The following FBN1 variants were observed in gnomAD, a reference collection of about 807,000 sequenced individuals.
FBN1 encodes fibrillin 1.
Under a neutral mutation model 365.1 loss-of-function variants are expected in FBN1, and 29 were observed. The ratio of observed to expected loss-of-function variants is 0.08; its 90% CI spans 0.06 to 0.11. The LOEUF (loss-of-function observed/expected upper bound fraction) is 0.11, where lower values mean the gene tolerates loss of function less well. FBN1 is among the 10% of genes least tolerant of loss of function. FBN1 has a pLI of 1.00. For missense variants in FBN1, 2,476 were observed against 3,703.2 expected (o/e 0.67, Z 8.60); for synonymous variants, 1,210 against 1,270.5 (o/e 0.95, Z 1.01).
At chr15:48,633,282 G>C (rs1188157024) in intron 2 of FBN1, among the ~76,000 whole-genome samples, 8 of 152,116 alleles carry the variant, frequency 5.3e-5, no homozygotes, top group Admixed American at 5.2e-4. Context: ...AAGAATTTAA[G>C]AATTTTTTTC....
chr15:48,504,002 C>A, intron 16 of FBN1, 63 bp from the exon 17 acceptor site: 2 of 1,599,450 alleles, frequency 1.3e-6, no homozygotes, highest in South Asian at 2.2e-5. Context: ...CCCCCCAAGT[C>A]AAAGTTGAAG....
At chr15:48,500,107 A>G (rs751996144) in intron 17 of FBN1, among the ~76,000 whole-genome samples, 13 of 152,230 alleles carry the variant, frequency 8.5e-5, no homozygotes, top group Non-Finnish European at 1.3e-4. Flanking sequence ...AGGGGTCAAA[A>G]AAACAACAGA....
chr15:48,427,090 C>T (rs914335409), intron 58 of FBN1, among the ~76,000 whole-genome samples: 2 of 152,186 alleles, frequency 1.3e-5, no homozygotes, highest in Admixed American at 1.3e-4. Flanking sequence ...GACACTTCCT[C>T]ATCCTGCTCT....
At chr15:48,618,046 G>A (rs768460741) in intron 2 of FBN1, among the ~76,000 whole-genome samples, 2 of 152,050 alleles carry the variant, frequency 1.3e-5, no homozygotes, top group Non-Finnish European at 2.9e-5. Flanking sequence ...TAATGAGACT[G>A]ACCCTGCTCC....
At chr15:48,455,485 T>C (rs949317273) in intron 44 of FBN1, among the ~76,000 whole-genome samples, 1 of 152,148 alleles carries the variant, frequency 6.6e-6, no homozygotes. Flanking sequence ...ATGCTGAGCA[T>C]GTTTGAGAGG....
rs908438231 is a variant in FBN1, at chr15:48,464,739, C to T, written c.4943-718G>A. Reference sequence around the variant, plus strand: ...ATCTATGATAGGGTATATAGTATCCCGAAGCCATTAACAGCTGGCTTCATG... The same window carrying T: ...ATCTATGATAGGGTATATAGTATCCTGAAGCCATTAACAGCTGGCTTCATG... On this transcript the variant is annotated intron_variant, in intron 40 of 65. Transcript: ENST00000316623. Among the ~76,000 whole-genome samples, 7 of 152,178 alleles carry T rather than the reference C, an allele frequency of 4.6e-5. No individual in the cohort carries two copies. In the East Asian group the frequency reaches 9.7e-4, roughly 21 times the overall value.
chr15:48,434,723 A>G lies in FBN1; in HGVS notation c.6497-10T>C. On this transcript the variant is annotated splice_polypyrimidine_tract_variant and intron_variant, in intron 53 of 65. Transcript: ENST00000316623. Reference sequence around the variant, plus strand: ...GAACATTCATCAGTATCTGCAAGAAACCAGGAATGTGTCCAAAACATGATG... The same window carrying G: ...GAACATTCATCAGTATCTGCAAGAAGCCAGGAATGTGTCCAAAACATGATG... 3 of 1,613,210 alleles carry G rather than the reference A, an allele frequency of 1.9e-6. No homozygotes were observed. The highest frequency in any genetic ancestry group is 2.5e-6 in the Non-Finnish European group (3 of 1,179,526).
chr15:48,481,569 G>T (rs1443317466), intron 32 of FBN1, 86 bp downstream of exon 32: 1 of 1,329,652 alleles, frequency 7.5e-7, no homozygotes, highest in African/African-American at 1.5e-5. Flanking sequence ...TAAAATGTAT[G>T]AGTTTTAAAA....
At position 48,531,162 on chromosome 15, in the gene FBN1, T is replaced by A. The variant is rs1271924558; in HGVS notation, c.862+2918A>T. On this transcript the variant is annotated intron_variant, in intron 8 of 65. Transcript: ENST00000316623. ...CTCAATCTTTTCCTTCTTAAATGTA[T>A]GAAAATTTAATAATTGTTATTTAAA... Among the ~76,000 whole-genome samples the A allele has an allele frequency of 2.6e-5, 4 of 152,244 alleles. No individual in the cohort carries two copies. In the East Asian group the frequency reaches 5.8e-4, roughly 22 times the overall value.
At chr15:48,607,729 C>T (rs1004243244) in intron 4 of FBN1, among the ~76,000 whole-genome samples, 1 of 152,040 alleles carries the variant, frequency 6.6e-6, no homozygotes, top group African/African-American at 2.4e-5. Context: ...GTTATAGAAG[C>T]CCAAACTGAC....
In FBN1 at chr15:48,453,303, A is replaced by AAAC. The variant is rs1555396240; in HGVS notation, c.5423-620_5423-619insGTT. On this transcript the variant is annotated intron_variant, in intron 44 of 65. Transcript: ENST00000316623. The stretch of plus-strand genomic sequence containing the variant: ...CAAAAAATAAAACAAACAAAAAAAA[A>AAAC]ACACACACAAAAAAAAAGGAAAAAA... Among the ~76,000 whole-genome samples, 110 of 140,762 alleles carry AAAC rather than the reference A, an allele frequency of 7.8e-4. 1 individual carries two copies. The highest frequency in any genetic ancestry group is 3.0e-3 in the African/African-American group (108 of 36,258). The allele number at this position is 140,762 out of a possible 152,430, so 92.3% of individuals were successfully genotyped here. A position where few individuals can be genotyped will look rare whatever the true frequency, so the allele number is the denominator to read the frequency against.
At chr15:48,605,600 C>G (rs1411232175) in intron 4 of FBN1, among the ~76,000 whole-genome samples, 1 of 152,204 alleles carries the variant, frequency 6.6e-6, no homozygotes, top group Non-Finnish European at 1.5e-5. Flanking sequence ...AGGCCAGGCA[C>G]AGTGGCTCAT....
At chr15:48,498,902 A>C in intron 18 of FBN1, 83 bp downstream of exon 18, 1 of 1,313,968 alleles carries the variant, frequency 7.6e-7, no homozygotes, top group South Asian at 1.2e-5. Flanking sequence ...ACTAGTGTAA[A>C]GGGATCAACT....
chr15:48,641,408 G>T, intron 2 of FBN1: 1 of 152,260 alleles, frequency 6.6e-6, no homozygotes, highest in African/African-American at 2.4e-5. Flanking sequence ...TAGGAAGAGA[G>T]GGAGCTGACA....
intron 6 of FBN1, among the ~76,000 whole-genome samples, chr15:48,551,966 A>G (rs1319773443): frequency 6.6e-6 from 1 of 152,180 alleles, no homozygotes; most frequent in Admixed American, 6.5e-5. Flanking sequence ...CAATGAGCAT[A>G]CACATGCATG....
In FBN1 at chr15:48,433,063, T is replaced by C. The variant is rs180781344; in HGVS notation, c.6617-75A>G. On this transcript the variant is annotated intron_variant, in intron 54 of 65. Transcript: ENST00000316623. ...GGGAACCTACCAATTGAACTAAAAC[T>C]CTAAAACTTTACCAAAAGTTGCAAT... The C allele has an allele frequency of 4.2e-5, 66 of 1,555,858 alleles. No homozygotes were observed. The Admixed American group carries it at 1.1e-3, about 26-fold the overall frequency.
chr15:48,530,363 G>A (rs1431432744), intron 8 of FBN1, among the ~76,000 whole-genome samples: 4 of 152,114 alleles, frequency 2.6e-5, no homozygotes, highest in African/African-American at 9.7e-5. Context: ...ACTTGAAAAT[G>A]GAGTCTGAAT....
chr15:48,602,653 T>C (rs1168238354), intron 4 of FBN1, among the ~76,000 whole-genome samples: 2 of 152,124 alleles, frequency 1.3e-5, no homozygotes, highest in Non-Finnish European at 2.9e-5. Flanking sequence ...TTTGTTGGAG[T>C]AATGAAATCA....
intron 4 of FBN1, among the ~76,000 whole-genome samples, chr15:48,605,976 T>C (rs534962088): frequency 3.3e-5 from 5 of 152,274 alleles, no homozygotes; most frequent in South Asian, 2.1e-4. Context: ...AAAAAGATGT[T>C]TGACATCACT....
Sources: gnomAD v4.1 joint callset for allele counts (sites outside exome capture counted in the v4.1 genomes callset) on GRCh38, gnomAD v4.1.1 for gene constraint, MANE v1.5 for transcripts, NCBI Gene and HGNC (gene_info 2026-07-23, HGNC 2026-07-21) for gene names.